Variants in MCHR2 observed in about 807,000 individuals in gnomAD.
MCHR2 encodes melanin-concentrating hormone receptor 2.
In MCHR2, 15 loss-of-function variants were observed where a neutral mutation model predicts 24.8. That is an observed-to-expected ratio of 0.60 (90% CI 0.40 to 0.93). The LOEUF (loss-of-function observed/expected upper bound fraction) is 0.93. Among genes scored for constraint, MCHR2 ranks in the 40% least tolerant of loss-of-function variants. The probability of loss-of-function intolerance (pLI) is 0.00; values close to 1 mark genes in which losing one functional copy is unlikely to be tolerated. For missense variants in MCHR2, 386 were observed against 408.7 expected (o/e 0.94, Z 0.48); for synonymous variants, 151 against 147.6 (o/e 1.02, Z -0.17).
intron 1 of MCHR2, among the ~76,000 whole-genome samples, chr6:99,984,091 TAAA>T (rs1036414823): frequency 6.6e-6 from 1 of 152,166 alleles, no homozygotes; most frequent in Non-Finnish European, 1.5e-5. Context: ...TCTTGCATAA[TAAA>T]GAAGTCCAGA....
chr6:99,987,828 T>C (rs1775797795), intron 1 of MCHR2, among the ~76,000 whole-genome samples: 1 of 152,166 alleles, frequency 6.6e-6, no homozygotes, highest in African/African-American at 2.4e-5. Context: ...TTTTAAAATT[T>C]TTCATGGGGG....
intron 5 of MCHR2, among the ~76,000 whole-genome samples, chr6:99,927,567 G>T (rs545610868): frequency 1.3e-5 from 2 of 152,164 alleles, no homozygotes; most frequent in Non-Finnish European, 1.5e-5. Context: ...TTGTAAGTTG[G>T]ATTCCTAGGT....
Position 99,920,504 on chromosome 6 carries a change from T to C in MCHR2, c.*436A>G, listed in dbSNP as rs1774201208. ...GACCATATAAAACTGACATTTTTTA[T>C]AGATAAAAAATAGCCAAATTTTAGA... On this transcript the variant is annotated 3_prime_UTR_variant, in exon 6 of 6. Transcript: ENST00000281806. The C allele has an allele frequency of 5.9e-6, 1 of 169,000 alleles. No individual in the cohort carries two copies. Among genetic ancestry groups the C allele is most frequent in the Non-Finnish European group, 1.3e-5 (1 of 76,818 alleles). The allele number at this position is 169,000 out of a possible 1,614,324, so 10.5% of individuals were successfully genotyped here.
At chr6:99,924,576 A>G (rs1370340329) in intron 5 of MCHR2, among the ~76,000 whole-genome samples, 1 of 152,002 alleles carries the variant, frequency 6.6e-6, no homozygotes, top group Non-Finnish European at 1.5e-5. Context: ...CTTTTGATGT[A>G]TCCCATAGGT....
intron 5 of MCHR2, among the ~76,000 whole-genome samples, chr6:99,933,048 T>A (rs926811709): frequency 1.3e-5 from 2 of 152,150 alleles, no homozygotes; most frequent in Non-Finnish European, 2.9e-5. Context: ...GCAAATTATT[T>A]TAAAATAAAA....
At chr6:99,959,225 A>G (rs1474084484) in intron 1 of MCHR2, among the ~76,000 whole-genome samples, 2 of 152,144 alleles carry the variant, frequency 1.3e-5, no homozygotes, top group Non-Finnish European at 2.9e-5. Flanking sequence ...GGTACAAAAG[A>G]TAGATACCAA....
rs1367294696 is a variant in MCHR2 at position 99,920,795 on chromosome 6, G to GCATGGTTA, written c.*137_*144dup. On this transcript the variant is annotated 3_prime_UTR_variant, in exon 6 of 6. Transcript: ENST00000281806. ...TTAGCATATTAAGCTCATTGTATTT[G>GCATGGTTA]CATGGTTACACTTCTCTTCCATGCT... The GCATGGTTA allele has an allele frequency of 5.2e-6, 4 of 763,570 alleles. No homozygotes were observed. The highest frequency in any genetic ancestry group is 5.3e-5 in the Admixed American group (2 of 37,486). The allele number at this position is 763,570 out of a possible 1,614,324, so 47.3% of individuals were successfully genotyped here.
intron 5 of MCHR2, among the ~76,000 whole-genome samples, chr6:99,926,640 A>C (rs1774365398): frequency 1.3e-5 from 2 of 152,248 alleles, no homozygotes; most frequent in South Asian, 2.1e-4. Context: ...TCTTCTTTTG[A>C]GAAGTGTCTG....
intron 1 of MCHR2, among the ~76,000 whole-genome samples, chr6:99,958,028 T>C (rs1411623631): frequency 6.6e-6 from 1 of 151,986 alleles, no homozygotes; most frequent in African/African-American, 2.4e-5. Flanking sequence ...GAATACTAAA[T>C]AAACTCTTGA....
chr6:99,974,679 A>G (rs1261616989), intron 1 of MCHR2, among the ~76,000 whole-genome samples: 2 of 151,884 alleles, frequency 1.3e-5, no homozygotes, highest in Non-Finnish European at 2.9e-5. Context: ...TTTTTTCCCC[A>G]TCTTTGTGGT....
At chr6:99,959,383 G>A (rs567105305) in intron 1 of MCHR2, among the ~76,000 whole-genome samples, 42 of 151,986 alleles carry the variant, frequency 2.8e-4, no homozygotes, top group African/African-American at 7.9e-4. Context: ...TGGTGAAGAT[G>A]TTTCCCTGTC....
At chr6:99,937,210 C>A (rs982110139) in intron 4 of MCHR2, among the ~76,000 whole-genome samples, 1 of 151,888 alleles carries the variant, frequency 6.6e-6, no homozygotes, top group Non-Finnish European at 1.5e-5. Flanking sequence ...CTTTCTCTTG[C>A]CTAATTGCTC....
intron 3 of MCHR2, among the ~76,000 whole-genome samples, chr6:99,943,556 A>T (rs1279859980): frequency 2.0e-5 from 3 of 151,398 alleles, no homozygotes; most frequent in African/African-American, 7.3e-5. Context: ...TCATTGTTCA[A>T]TTCCCATCTA....
rs1045760125 is a variant in MCHR2, at chr6:99,920,871, C to G, written c.*69G>C. ...GAATGGGCATAAACATATCGGTACA[C>G]CTGCCCTTTCTGATAATACCAGTAA... On this transcript the variant is annotated 3_prime_UTR_variant, in exon 6 of 6. Transcript: ENST00000281806. 4.1e-6 allele frequency: 6 copies of G among 1,464,698 alleles called. No individual in the cohort carries two copies. The highest frequency in any genetic ancestry group is 5.6e-6 in the Non-Finnish European group (6 of 1,062,920). The allele number at this position is 1,464,698 out of a possible 1,614,324, so 90.7% of individuals were successfully genotyped here. A position where few individuals can be genotyped will look rare whatever the true frequency, so the allele number is the denominator to read the frequency against.
intron 4 of MCHR2, among the ~76,000 whole-genome samples, chr6:99,939,186 T>C (rs1313097880): frequency 2.6e-5 from 4 of 152,032 alleles, no homozygotes; most frequent in Non-Finnish European, 4.4e-5. Flanking sequence ...TTCAGTATTA[T>C]TATTGATAAG....
intron 4 of MCHR2, 114 bp downstream of exon 4, chr6:99,942,835 T>C: frequency 1.3e-6 from 1 of 776,576 alleles, no homozygotes; most frequent in East Asian, 2.7e-5. Context: ...ATGGAGATAC[T>C]GGCGAGAAGA....
At chr6:99,922,106 AT>A (rs34099388) in intron 5 of MCHR2, among the ~76,000 whole-genome samples, 59,005 of 125,396 alleles carry the variant, frequency 0.47, 11,352 homozygotes, top group Admixed American at 0.52. Flanking sequence ...CCATTTGTCC[AT>A]TTTTTTTTTT....
intron 1 of MCHR2, among the ~76,000 whole-genome samples, chr6:99,987,301 G>A (rs1230252007): frequency 6.6e-6 from 1 of 152,028 alleles, no homozygotes; most frequent in African/African-American, 2.4e-5. Flanking sequence ...TTGTCAGGTT[G>A]AATAATATAT....
chr6:99,933,668 A>G, intron 5 of MCHR2, among the ~76,000 whole-genome samples: 1 of 152,100 alleles, frequency 6.6e-6, no homozygotes, highest in East Asian at 1.9e-4. Flanking sequence ...AAATTTGTAA[A>G]TTTGTAGTGT....
Sources: allele counts gnomAD v4.1 joint callset (sites outside exome capture counted in the v4.1 genomes callset), GRCh38; gene constraint gnomAD v4.1.1; transcripts MANE v1.5; gene names NCBI Gene and HGNC (gene_info 2026-07-23, HGNC 2026-07-21).